Variants in GLDC observed in about 807,000 individuals in gnomAD.
GLDC encodes the protein glycine dehydrogenase (decarboxylating), mitochondrial.
A neutral mutation model predicts 121.3 loss-of-function variants in GLDC; 104 were observed. The ratio of observed to expected loss-of-function variants is 0.86; its 90% confidence interval spans 0.73 to 1.01. The LOEUF (loss-of-function observed/expected upper bound fraction) is 1.01, where lower values mean the gene tolerates loss of function less well. Among genes scored for constraint, GLDC ranks in the 50% least tolerant of loss-of-function variants. The probability of loss-of-function intolerance (pLI) is 0.00; values close to 1 mark genes in which losing one functional copy is unlikely to be tolerated. For synonymous variants in GLDC, 546 were observed against 480.6 expected, an observed-to-expected ratio of 1.14 and a Z score of -1.78; for missense variants, 1,429 against 1,306.6, an observed-to-expected ratio of 1.09 and a Z score of -1.44.
intron 15 of GLDC, chr9:6,569,124 C>T (rs1817905096): frequency 6.6e-6 from 1 of 151,662 alleles, no homozygotes; most frequent in African/African-American, 2.4e-5. Context: ...CTTTCAGTAT[C>T]AGTGTATCAT....
chr9:6,609,558 A>G (rs1381473307), intron 4 of GLDC, among the ~76,000 whole-genome samples: 2 of 151,976 alleles, frequency 1.3e-5, no homozygotes, highest in African/African-American at 4.8e-5. Context: ...GCACTCAGTC[A>G]TGTGTGTGTG....
chr9:6,553,858 T>G (rs559011046), intron 19 of GLDC, among the ~76,000 whole-genome samples: 1 of 152,144 alleles, frequency 6.6e-6, no homozygotes, highest in East Asian at 1.9e-4. Context: ...TAGGAGGGGC[T>G]GATGAGAAGA....
chr9:6,594,894 T>C, intron 9 of GLDC, 120 bp downstream of exon 9: 1 of 739,674 alleles, frequency 1.4e-6, no homozygotes, highest in Admixed American at 1.7e-5. Flanking sequence ...AAAGTATTTT[T>C]CCTCGTTTCT....
At chr9:6,610,715 TAA>T (rs1328956259) in intron 3 of GLDC, among the ~76,000 whole-genome samples, 1 of 152,172 alleles carries the variant, frequency 6.6e-6, no homozygotes, top group East Asian at 1.9e-4. Context: ...TCCTCTGGCC[TAA>T]GTCTCCAAAG....
chr9:6,581,190 A>G (rs1388696157), intron 15 of GLDC, among the ~76,000 whole-genome samples: 2 of 152,224 alleles, frequency 1.3e-5, no homozygotes, highest in Non-Finnish European at 2.9e-5. Flanking sequence ...TTCCCGGGCA[A>G]CGAAGGAGCA....
At position 6,605,291 on chromosome 9, in the gene GLDC, A is replaced by C. The variant is rs1453203047; in HGVS notation, c.714-13T>G. On this transcript the variant is annotated splice_polypyrimidine_tract_variant and intron_variant, in intron 5 of 24. Transcript: ENST00000321612. ...GACTCCAGTATATCTGGAAAGACAGACAACAAAGAACAATCGTGCTTTCGG... is the reference window on the plus strand; with the variant it reads ...GACTCCAGTATATCTGGAAAGACAGCCAACAAAGAACAATCGTGCTTTCGG... The C allele has an allele frequency of 1.2e-6, 2 of 1,612,844 alleles. No individual in the cohort carries two copies. The highest frequency in any genetic ancestry group is 3.3e-5 in the Admixed American group (2 of 60,028).
chr9:6,645,366 G>A lies in GLDC; in HGVS notation c.134C>T (p.Ala45Val), dbSNP rs1372322703. Residue 45 changes from alanine (A) to valine (V), a missense_variant, in exon 1 of 25, where the codon GCC becomes GTC. Transcript: ENST00000321612. ...CAGGAGGCGCGAGGCCCCAGCCGCG[G>A]CGCTGTCCCCGCCGCCACTGCTGCT... Reference protein sequence around the residue: ...RDSSSGGGDSAAAGASRLLER... With the variant: ...RDSSSGGGDSVAAGASRLLER... 1 of 1,537,820 alleles carries A rather than the reference G, an allele frequency of 6.5e-7. No homozygotes were observed. Among genetic ancestry groups the A allele is most frequent in the Admixed American group, 2.0e-5 (1 of 50,664 alleles).
At chr9:6,604,495 C>T (rs1322996811) in intron 7 of GLDC, 93 bp downstream of exon 7, 4 of 1,143,416 alleles carry the variant, frequency 3.5e-6, no homozygotes, top group Non-Finnish European at 4.0e-6. Flanking sequence ...CAACATGGCC[C>T]AGTTGAATTC....
At chr9:6,544,394 C>G (rs1205773742) in intron 21 of GLDC, among the ~76,000 whole-genome samples, 4 of 151,856 alleles carry the variant, frequency 2.6e-5, no homozygotes, top group Non-Finnish European at 5.9e-5. Context: ...CGCTGTTTGT[C>G]TGATGGAAAA....
At chr9:6,541,772 A>G (rs1324800526) in intron 21 of GLDC, 1 of 138,906 alleles carries the variant, frequency 7.2e-6, no homozygotes, top group Non-Finnish European at 1.5e-5. Flanking sequence ...GGTTGCAGTG[A>G]GCCGAGATGG....
intron 3 of GLDC, among the ~76,000 whole-genome samples, chr9:6,616,862 G>A (rs1271917404): frequency 6.6e-6 from 1 of 152,162 alleles, no homozygotes; most frequent in Non-Finnish European, 1.5e-5. Flanking sequence ...GGGAAAGGGG[G>A]TTATGGGGGT....
intron 3 of GLDC, among the ~76,000 whole-genome samples, chr9:6,610,686 A>G (rs572246560): frequency 2.0e-5 from 3 of 152,254 alleles, no homozygotes; most frequent in South Asian, 4.2e-4. Context: ...CTGAGCCTCA[A>G]TGTACAAGGC....
chr9:6,639,231 G>C (rs938370626), intron 2 of GLDC: 5 of 910,428 alleles, frequency 5.5e-6, no homozygotes, highest in Non-Finnish European at 1.8e-6. Flanking sequence ...AGTGTTGAAA[G>C]GTGTCCACAG....
intron 8 of GLDC, 65 bp from the exon 9 acceptor site, chr9:6,595,184 TTGACTTGGGA>T: frequency 1.9e-6 from 2 of 1,061,220 alleles, no homozygotes; most frequent in Non-Finnish European, 2.9e-6. Context: ...GTGTAATTAC[TTGACTTGGGA>T]TGTCAAAACT....
intron 2 of GLDC, among the ~76,000 whole-genome samples, chr9:6,630,545 T>C (rs527288939): frequency 1.3e-5 from 2 of 152,142 alleles, no homozygotes. Context: ...ACACTCATAT[T>C]TGAATTTGCC....
At chr9:6,621,540 G>T (rs753331174) in intron 2 of GLDC, among the ~76,000 whole-genome samples, 11 of 151,892 alleles carry the variant, frequency 7.2e-5, no homozygotes, top group Admixed American at 3.9e-4. Flanking sequence ...TTTTTTGAGA[G>T]GGAGTCTTGC....
chr9:6,644,367 C>T (rs34073615), intron 2 of GLDC, among the ~76,000 whole-genome samples: 4 of 151,968 alleles, frequency 2.6e-5, no homozygotes, highest in Admixed American at 2.6e-4. Context: ...AGGGGAAGCT[C>T]GCGGGGGCCC....
intron 21 of GLDC, chr9:6,540,487 T>A: frequency 2.9e-6 from 1 of 340,132 alleles, no homozygotes; most frequent in Non-Finnish European, 5.6e-6. Flanking sequence ...ACATAAAATC[T>A]ACTTGCAACA....
intron 15 of GLDC, among the ~76,000 whole-genome samples, chr9:6,569,579 G>A (rs1177354848): frequency 1.3e-5 from 2 of 152,230 alleles, no homozygotes. Flanking sequence ...TTGAACCCGG[G>A]AGGCGGAGGT....
Sources: allele counts gnomAD v4.1 joint callset (sites outside exome capture counted in the v4.1 genomes callset), GRCh38; gene constraint gnomAD v4.1.1; transcripts MANE v1.5; gene names NCBI Gene and HGNC (gene_info 2026-07-23, HGNC 2026-07-21).